CTNNA3: variants seen among roughly 807,000 people sequenced by gnomAD.
CTNNA3 encodes the protein catenin alpha-3.
CTNNA3 carries 76 observed loss-of-function variants against 95.7 expected under a neutral mutation model. The ratio of observed to expected loss-of-function variants is 0.79; its 90% CI spans 0.66 to 0.96. CTNNA3 has a LOEUF of 0.96. Among genes scored for constraint, CTNNA3 ranks in the 40% least tolerant of loss-of-function variants. The probability of loss-of-function intolerance (pLI) is 0.00; values close to 1 mark genes in which losing one functional copy is unlikely to be tolerated. For synonymous variants in CTNNA3, 431 were observed against 374.4 expected (o/e 1.15, Z -1.74); for missense variants, 1,191 against 1,089.8 (o/e 1.09, Z -1.31).
At chr10:67,210,989 C>T (rs1864117247) in intron 6 of CTNNA3, among the ~76,000 whole-genome samples, 1 of 152,160 alleles carries the variant, frequency 6.6e-6, no homozygotes, top group African/African-American at 2.4e-5. Context: ...CGACCTGTGT[C>T]ATGTGAGTGA....
At chr10:66,281,000 T>C (rs1025077721) in intron 12 of CTNNA3, among the ~76,000 whole-genome samples, 8 of 151,920 alleles carry the variant, frequency 5.3e-5, no homozygotes, top group Non-Finnish European at 1.2e-4. Context: ...AAGGAATTGG[T>C]GTGTAAAACA....
At chr10:67,566,022 C>G (rs1266451413) in intron 3 of CTNNA3, among the ~76,000 whole-genome samples, 1 of 57,314 alleles carries the variant, frequency 1.7e-5, no homozygotes, top group Non-Finnish European at 3.0e-5. Flanking sequence ...CACAAACACA[C>G]ACACACACAT....
chr10:67,757,272 G>A lies in CTNNA3; in HGVS notation c.-2+6162C>T, dbSNP rs562208243. Among the ~76,000 whole-genome samples the A allele has an allele frequency of 2.6e-5, 4 of 152,294 alleles. No individual in the cohort carries two copies. In the South Asian group the frequency reaches 8.3e-4, roughly 32 times the overall value. ...TATCTCTGTGTATTTAAAGGCATGGGCATAGATGAGCTCTCTAAGGTCAAC... is the reference window on the plus strand; with the variant it reads ...TATCTCTGTGTATTTAAAGGCATGGACATAGATGAGCTCTCTAAGGTCAAC... On this transcript the variant is annotated intron_variant, in intron 1 of 17. Coordinates refer to the CTNNA3 transcript ENST00000684154.
intron 7 of CTNNA3, among the ~76,000 whole-genome samples, chr10:66,889,590 A>G (rs1845184630): frequency 6.6e-6 from 1 of 152,196 alleles, no homozygotes. Flanking sequence ...AGTGGATTGT[A>G]TGTGTAGGGT....
intron 9 of CTNNA3, among the ~76,000 whole-genome samples, chr10:66,693,647 A>G (rs1199096175): frequency 1.3e-5 from 2 of 152,074 alleles, no homozygotes; most frequent in Non-Finnish European, 2.9e-5. Context: ...CCCCAAATCA[A>G]CAGAATATAC....
intron 2 of CTNNA3, among the ~76,000 whole-genome samples, chr10:67,638,656 T>A (rs113003921): frequency 2.0e-4 from 30 of 152,282 alleles, no homozygotes; most frequent in Middle Eastern, 6.8e-3. Context: ...CATAACAAAC[T>A]GTCTCTCAGA....
At chr10:67,062,751 T>C (rs1229155251) in intron 7 of CTNNA3, among the ~76,000 whole-genome samples, 2 of 152,176 alleles carry the variant, frequency 1.3e-5, no homozygotes, top group East Asian at 3.9e-4. Flanking sequence ...CCAGCATGGT[T>C]CCAAATTTGA....
At chr10:66,930,066 A>G (rs1589439825) in intron 7 of CTNNA3, among the ~76,000 whole-genome samples, 1 of 151,828 alleles carries the variant, frequency 6.6e-6, no homozygotes, top group South Asian at 2.1e-4. Flanking sequence ...ATTTTTTTTT[A>G]TTGTTTGGGG....
chr10:66,343,630 C>T (rs1356539639), intron 12 of CTNNA3, among the ~76,000 whole-genome samples: 1 of 151,892 alleles, frequency 6.6e-6, no homozygotes, highest in East Asian at 1.9e-4. Context: ...AAAATTCCAG[C>T]TAGATAGGAG....
intron 13 of CTNNA3, among the ~76,000 whole-genome samples, chr10:66,236,311 A>G (rs181666128): frequency 6.6e-6 from 1 of 152,316 alleles, no homozygotes; most frequent in East Asian, 1.9e-4. Context: ...TACAAAAATG[A>G]CAAGATACAA....
intron 17 of CTNNA3, among the ~76,000 whole-genome samples, chr10:65,952,822 T>C (rs1408288210): frequency 6.6e-6 from 1 of 152,204 alleles, no homozygotes; most frequent in African/African-American, 2.4e-5. Context: ...TTTTCAGTCT[T>C]TCTGATCTTT....
intron 1 of CTNNA3, among the ~76,000 whole-genome samples, chr10:67,686,467 G>A (rs1000439226): frequency 2.6e-5 from 4 of 152,210 alleles, no homozygotes; most frequent in African/African-American, 7.2e-5. Flanking sequence ...TGGTAGAAAA[G>A]TGGCAGGGCT....
At chr10:67,109,548 A>G (rs538399637) in intron 7 of CTNNA3, among the ~76,000 whole-genome samples, 47 of 152,274 alleles carry the variant, frequency 3.1e-4, no homozygotes, top group Non-Finnish European at 5.7e-4. Context: ...TGATTTTCCT[A>G]CTTAAGAAAA....
chr10:66,110,442 G>T (rs1257515517), intron 13 of CTNNA3, among the ~76,000 whole-genome samples: 1 of 151,560 alleles, frequency 6.6e-6, no homozygotes, highest in African/African-American at 2.4e-5. Context: ...CTAAGAGATG[G>T]AAGCAACCTA....
chr10:66,724,092 G>A (rs1848709780), intron 9 of CTNNA3, among the ~76,000 whole-genome samples: 1 of 151,986 alleles, frequency 6.6e-6, no homozygotes, highest in East Asian at 1.9e-4. Context: ...TTCTGAAAGT[G>A]CTCTCTGACA....
chr10:66,546,191 A>T (rs541754223), intron 10 of CTNNA3, among the ~76,000 whole-genome samples: 1 of 152,060 alleles, frequency 6.6e-6, no homozygotes, highest in South Asian at 2.1e-4. Context: ...GATATTCTAC[A>T]CTATCTTCTA....
At chr10:66,036,590 G>A (rs1380868933) in intron 15 of CTNNA3, among the ~76,000 whole-genome samples, 1 of 151,988 alleles carries the variant, frequency 6.6e-6, no homozygotes, top group African/African-American at 2.4e-5. Context: ...TGGCCAGGCT[G>A]GACTCAAACT....
At chr10:66,857,389 A>T (rs7907666) in intron 7 of CTNNA3, among the ~76,000 whole-genome samples, 69,267 of 143,994 alleles carry the variant, frequency 0.48, 16,538 homozygotes, top group Non-Finnish European at 0.56. Flanking sequence ...ATTTGGACTA[A>T]TTTTTTTTTT....
intron 5 of CTNNA3, among the ~76,000 whole-genome samples, chr10:67,311,791 A>G (rs969594460): frequency 6.6e-6 from 1 of 152,180 alleles, no homozygotes; most frequent in African/African-American, 2.4e-5. Flanking sequence ...ATCTTTAGGA[A>G]CAATGTGTTC....
Sources: allele counts gnomAD v4.1 joint callset (sites outside exome capture counted in the v4.1 genomes callset), GRCh38; gene constraint gnomAD v4.1.1; transcripts MANE v1.5; gene names NCBI Gene and HGNC (gene_info 2026-07-23, HGNC 2026-07-21).